Variants in TMOD3 observed in about 807,000 individuals in gnomAD.
TMOD3 encodes the protein tropomodulin 3.
Under a neutral mutation model 39.2 loss-of-function variants are expected in TMOD3, and 20 were observed. That is an observed-to-expected ratio of 0.51 (90% CI 0.36 to 0.74). The LOEUF (loss-of-function observed/expected upper bound fraction) is 0.74. TMOD3 is among the 30% of genes least tolerant of loss of function. The pLI, the probability that TMOD3 is intolerant of heterozygous loss-of-function variation, is 0.00. For missense variants in TMOD3, 381 were observed against 412.8 expected (o/e 0.92, Z 0.67); for synonymous variants, 143 against 145.8 (o/e 0.98, Z 0.14).
At chr15:51,877,027 C>T (rs1002875020) in intron 3 of TMOD3, among the ~76,000 whole-genome samples, 37 of 152,070 alleles carry the variant, frequency 2.4e-4, no homozygotes, top group Admixed American at 2.2e-3. Context: ...CATGCCACTG[C>T]ACTCCACCCT....
rs569510226 is a variant in TMOD3, at chr15:51,915,482, A to T, written c.*6672A>T. 1.3e-5 allele frequency: 2 copies of T among 152,196 alleles called. No individual in the cohort carries two copies. Among genetic ancestry groups the T allele is most frequent in the East Asian group, 3.8e-4 (2 of 5,200 alleles). The allele number at this position is 152,196 out of a possible 1,614,324, so 9.4% of individuals were successfully genotyped here. A position where few individuals can be genotyped will look rare whatever the true frequency, so the allele number is the denominator to read the frequency against. On this transcript the variant is annotated 3_prime_UTR_variant, in exon 10 of 10. Coordinates refer to ENST00000308580, the MANE Select transcript of TMOD3 (RefSeq NM_014547.5). ...TGAATGTCATTCATTGTCACATGAA[A>T]TCAGGTATTTACGTTTTTTTCTAAT...
chr15:51,883,590 T>G, intron 3 of TMOD3, among the ~76,000 whole-genome samples: 1 of 152,270 alleles, frequency 6.6e-6, no homozygotes, highest in Non-Finnish European at 1.5e-5. Context: ...TTGTGGCAAG[T>G]AGCTTGTATA....
chr15:51,904,601 A>G (rs1304124907), intron 9 of TMOD3, among the ~76,000 whole-genome samples: 1 of 152,206 alleles, frequency 6.6e-6, no homozygotes, highest in Non-Finnish European at 1.5e-5. Flanking sequence ...CTGTCCCTCC[A>G]GGAGCTGTAC....
At chr15:51,889,879 G>T (rs535579869) in intron 5 of TMOD3, among the ~76,000 whole-genome samples, 1 of 152,122 alleles carries the variant, frequency 6.6e-6, no homozygotes, top group East Asian at 1.9e-4. Context: ...ATAAATTCAT[G>T]TATAGGGTGT....
intron 9 of TMOD3, among the ~76,000 whole-genome samples, chr15:51,904,638 G>A (rs146633789): frequency 7.2e-5 from 11 of 152,320 alleles, no homozygotes; most frequent in African/African-American, 2.2e-4. Context: ...CGTCACGGCA[G>A]GGGCGCTGAC....
intron 3 of TMOD3, among the ~76,000 whole-genome samples, chr15:51,885,678 A>T (rs144508077): frequency 1.3e-5 from 2 of 150,186 alleles, no homozygotes; most frequent in African/African-American, 4.9e-5. Flanking sequence ...GGAGTCTCCT[A>T]TGTCCACCTC....
rs1166096509 is a variant in TMOD3, at chr15:51,908,759, T to A, written c.1025-17T>A. ...TAATAGGGATTTCTAACATAGTTTC[T>A]TTTATTTTTCTCATAGTGCGTAAGA... is the stretch of plus-strand genomic sequence containing the variant. On this transcript the variant is annotated splice_polypyrimidine_tract_variant and intron_variant, in intron 9 of 9. Coordinates refer to ENST00000308580, the MANE Select transcript of TMOD3 (RefSeq NM_014547.5). 2 of 1,590,410 alleles carry A rather than the reference T, an allele frequency of 1.3e-6. No homozygotes were observed. Among genetic ancestry groups the A allele is most frequent in the South Asian group, 1.2e-5 (1 of 84,736 alleles).
chr15:51,849,161 G>A (rs1455039657), intron 1 of TMOD3, among the ~76,000 whole-genome samples: 1 of 152,190 alleles, frequency 6.6e-6, no homozygotes, highest in Non-Finnish European at 1.5e-5. Context: ...GATTTGCTGG[G>A]TGGATCATGT....
chr15:51,839,767 G>A (rs2056304493), intron 1 of TMOD3, among the ~76,000 whole-genome samples: 1 of 151,916 alleles, frequency 6.6e-6, no homozygotes, highest in African/African-American at 2.4e-5. Flanking sequence ...TAAAATTTGT[G>A]TTATCATTTG....
intron 1 of TMOD3, among the ~76,000 whole-genome samples, chr15:51,847,743 C>G (rs1344558855): frequency 6.6e-6 from 1 of 152,164 alleles, no homozygotes; most frequent in Non-Finnish European, 1.5e-5. Flanking sequence ...GACCCCATCT[C>G]TATCCTCCTC....
At chr15:51,896,361 G>A in intron 6 of TMOD3, 58 bp from the exon 7 acceptor site, 1 of 1,241,572 alleles carries the variant, frequency 8.1e-7, no homozygotes, top group Non-Finnish European at 1.1e-6. Flanking sequence ...TTGATTAATG[G>A]AAACTAAATA....
intron 6 of TMOD3, 22 bp downstream of exon 6, chr15:51,893,967 G>T: frequency 1.3e-6 from 2 of 1,527,356 alleles, no homozygotes; most frequent in South Asian, 2.6e-5. Flanking sequence ...AATCAGAGTG[G>T]TTTTGTATTG....
intron 7 of TMOD3, among the ~76,000 whole-genome samples, chr15:51,897,822 C>T (rs1187552054): frequency 3.3e-5 from 5 of 150,798 alleles, no homozygotes; most frequent in Non-Finnish European, 5.9e-5. Context: ...GAATCATTCT[C>T]GACATCCCTT....
chr15:51,846,715 G>A (rs574162757), intron 1 of TMOD3, among the ~76,000 whole-genome samples: 1 of 152,326 alleles, frequency 6.6e-6, no homozygotes. Flanking sequence ...AGGACTGGTA[G>A]AAGTCTCTTT....
intron 3 of TMOD3, among the ~76,000 whole-genome samples, chr15:51,874,754 A>G (rs1372407209): frequency 6.6e-6 from 1 of 152,072 alleles, no homozygotes; most frequent in Non-Finnish European, 1.5e-5. Context: ...TACCTAGACT[A>G]AGAATTTTTT....
Position 51,893,818 on chromosome 15 carries a change from T to C in TMOD3, c.500T>C (p.Val167Ala), listed in dbSNP as rs1253894110. The C allele has an allele frequency of 1.3e-6, 2 of 1,591,102 alleles. No individual in the cohort carries two copies. The highest frequency in any genetic ancestry group is 1.4e-5 in the African/African-American group (1 of 73,764). ...CTCTTTTCATTTATCACTGCAGATG[T>C]GGTCAAAGGTGAAAAGATTCTTCCG... ...NGVDQEHFSN[V>A]VKGEKILPVF... The change falls in exon 6 of 10, where the codon GTG (valine) becomes GCG (alanine). Residue 167 changes from valine to alanine, a missense_variant. Transcript: ENST00000308580.
chr15:51,837,079 T>TATAA (rs2056289280), intron 1 of TMOD3, among the ~76,000 whole-genome samples: 1 of 151,890 alleles, frequency 6.6e-6, no homozygotes. Context: ...TTGATATATA[T>TATAA]ATATATAGAC....
At chr15:51,858,611 C>T (rs2141680989) in intron 1 of TMOD3, among the ~76,000 whole-genome samples, 1 of 152,042 alleles carries the variant, frequency 6.6e-6, no homozygotes, top group South Asian at 2.1e-4. Context: ...TTACTTTTTT[C>T]AACACACAAT....
chr15:51,834,426 T>C (rs539072001), intron 1 of TMOD3, among the ~76,000 whole-genome samples: 1 of 152,310 alleles, frequency 6.6e-6, no homozygotes, highest in African/African-American at 2.4e-5. Flanking sequence ...TTTGAGTCTG[T>C]GATTGATCTC....
Sources: gnomAD v4.1 joint callset for allele counts (sites outside exome capture counted in the v4.1 genomes callset) on GRCh38, gnomAD v4.1.1 for gene constraint, MANE v1.5 for transcripts, NCBI Gene and HGNC (gene_info 2026-07-23, HGNC 2026-07-21) for gene names.